The following ANO4 variants were observed in gnomAD, a reference collection of about 807,000 sequenced individuals.
The protein encoded by ANO4 is anoctamin 4.
Under a neutral mutation model 141.9 loss-of-function variants are expected in ANO4, and 69 were observed. The observed-to-expected ratio is 0.49, with a 90% confidence interval of 0.40 to 0.59. ANO4 has a LOEUF of 0.59. ANO4 is among the 20% of genes least tolerant of loss of function. ANO4 has a pLI of 0.00. For missense variants in ANO4, 894 were observed against 1,162.2 expected (o/e 0.77, Z 3.36); for synonymous variants, 350 against 394.3 (o/e 0.89, Z 1.33).
chr12:101,003,442 A>G (rs1207848772), intron 8 of ANO4, among the ~76,000 whole-genome samples: 2 of 152,232 alleles, frequency 1.3e-5, no homozygotes, highest in Non-Finnish European at 2.9e-5. Context: ...CAAGCATAGT[A>G]TCAATGTGGT....
At chr12:101,046,010 C>T (rs2047615378) in intron 13 of ANO4, among the ~76,000 whole-genome samples, 1 of 152,218 alleles carries the variant, frequency 6.6e-6, no homozygotes, top group African/African-American at 2.4e-5. Flanking sequence ...TACTTGTCCT[C>T]TGGAGGCGTC....
intron 5 of ANO4, among the ~76,000 whole-genome samples, chr12:100,949,991 C>T (rs926181129): frequency 2.0e-5 from 3 of 152,124 alleles, no homozygotes; most frequent in African/African-American, 7.2e-5. Flanking sequence ...GGCTCTGTTC[C>T]CTTGTAGACT....
At chr12:100,963,335 A>G (rs971484790) in intron 5 of ANO4, among the ~76,000 whole-genome samples, 6 of 152,308 alleles carry the variant, frequency 3.9e-5, no homozygotes, top group Non-Finnish European at 7.4e-5. Flanking sequence ...ACCTCCACTT[A>G]AAGGTCTACT....
At chr12:100,875,358 C>G (rs935625254) in intron 1 of ANO4, among the ~76,000 whole-genome samples, 1 of 152,118 alleles carries the variant, frequency 6.6e-6, no homozygotes, top group South Asian at 2.1e-4. Context: ...GGTGATTTCA[C>G]GCAGGAATGT....
At chr12:100,766,168 G>C (rs185437079) in intron 3 of ANO4, among the ~76,000 whole-genome samples, 101 of 152,110 alleles carry the variant, frequency 6.6e-4, no homozygotes, top group African/African-American at 2.3e-3. Context: ...CTGTCCTCCA[G>C]GTTCATCCAG....
At chr12:101,080,865 G>GATATATATATATATAAT (rs1555296493) in intron 15 of ANO4, among the ~76,000 whole-genome samples, 4 of 109,384 alleles carry the variant, frequency 3.7e-5, no homozygotes, top group Admixed American at 1.0e-4. Flanking sequence ...CTAGGTTCTA[G>GATATATATATATATAAT]ATATATATAT....
chr12:101,111,148 T>A (rs1209857558), intron 23 of ANO4, among the ~76,000 whole-genome samples: 4 of 152,230 alleles, frequency 2.6e-5, no homozygotes, highest in Non-Finnish European at 5.9e-5. Context: ...AACCTCCACA[T>A]GAAACAAGCA....
intron 3 of ANO4, among the ~76,000 whole-genome samples, chr12:100,770,781 ATTTTTT>A (rs10652346): frequency 1.6e-4 from 21 of 131,350 alleles, no homozygotes; most frequent in African/African-American, 3.6e-4. Context: ...CTTGGCTTGA[ATTTTTT>A]TTTTTTTTTT....
chr12:101,001,646 A>G (rs1049786489), intron 8 of ANO4, among the ~76,000 whole-genome samples: 1 of 152,118 alleles, frequency 6.6e-6, no homozygotes, highest in African/African-American at 2.4e-5. Flanking sequence ...CTGGGAGGCT[A>G]CTGGTATTGT....
chr12:100,926,689 A>T (rs529327264), intron 3 of ANO4, among the ~76,000 whole-genome samples: 1 of 151,770 alleles, frequency 6.6e-6, no homozygotes, highest in South Asian at 2.1e-4. Flanking sequence ...TTCACTCTCC[A>T]TTCCAAGATG....
intron 1 of ANO4, among the ~76,000 whole-genome samples, chr12:100,820,347 C>T (rs953628779): frequency 9.6e-5 from 6 of 62,568 alleles, no homozygotes; most frequent in Admixed American, 7.2e-4. Context: ...GCAAGAAAGT[C>T]GGTTTCTCAA....
At chr12:101,012,273 A>G (rs1264456329) in intron 8 of ANO4, among the ~76,000 whole-genome samples, 1 of 152,106 alleles carries the variant, frequency 6.6e-6, no homozygotes, top group African/African-American at 2.4e-5. Flanking sequence ...ACAAAAATGT[A>G]GACACATCCC....
At chr12:100,995,177 C>T (rs1420415573) in intron 8 of ANO4, among the ~76,000 whole-genome samples, 1 of 151,984 alleles carries the variant, frequency 6.6e-6, no homozygotes, top group African/African-American at 2.4e-5. Context: ...GGTTGTATTT[C>T]CAAAAGACAG....
intron 5 of ANO4, among the ~76,000 whole-genome samples, chr12:100,960,167 G>A (rs1592844273): frequency 6.6e-6 from 1 of 152,214 alleles, no homozygotes; most frequent in South Asian, 2.1e-4. Context: ...CTGAAGGAGA[G>A]GAGAACCGAT....
intron 8 of ANO4, among the ~76,000 whole-genome samples, chr12:101,018,013 C>A (rs1483352958): frequency 6.6e-6 from 1 of 152,186 alleles, no homozygotes; most frequent in Non-Finnish European, 1.5e-5. Context: ...GGGAAGGAAG[C>A]AGAAAACCAT....
intron 1 of ANO4, among the ~76,000 whole-genome samples, chr12:100,895,133 TA>T (rs777663158): frequency 8.4e-5 from 12 of 143,206 alleles, no homozygotes; most frequent in Non-Finnish European, 1.4e-4. Context: ...TCGAAATAAA[TA>T]TTCCCTTCTA....
chr12:101,088,665 A>G (rs1175030778), intron 17 of ANO4, among the ~76,000 whole-genome samples: 1 of 152,068 alleles, frequency 6.6e-6, no homozygotes, highest in Non-Finnish European at 1.5e-5. Context: ...AGGTCAACCT[A>G]TACATAAAAA....
chr12:101,037,367 A>T (rs1382421797), intron 10 of ANO4, among the ~76,000 whole-genome samples: 1 of 152,178 alleles, frequency 6.6e-6, no homozygotes, highest in Non-Finnish European at 1.5e-5. Context: ...GAATACTTAA[A>T]TCAATAGTCA....
chr12:100,825,061 A>T (rs938363132), intron 1 of ANO4, among the ~76,000 whole-genome samples: 5 of 152,118 alleles, frequency 3.3e-5, no homozygotes, highest in Non-Finnish European at 2.9e-5. Context: ...CTTATCATAA[A>T]TTATCTTTTT....
Sources: gnomAD v4.1 joint callset for allele counts (sites outside exome capture counted in the v4.1 genomes callset) on GRCh38, gnomAD v4.1.1 for gene constraint, MANE v1.5 for transcripts, NCBI Gene and HGNC (gene_info 2026-07-23, HGNC 2026-07-21) for gene names.